The following NRXN3 variants were observed in gnomAD, a reference collection of about 807,000 sequenced individuals.
NRXN3 encodes neurexin 3, also known as neurexin III.
In NRXN3, 32 loss-of-function variants were observed where a neutral mutation model predicts 137.6. The observed-to-expected ratio is 0.23, with a 90% CI of 0.18 to 0.31. The LOEUF (loss-of-function observed/expected upper bound fraction) is 0.31. Ranked by LOEUF, NRXN3 falls within the 10% of genes least tolerant of loss-of-function variation. The pLI, the probability that NRXN3 is intolerant of heterozygous loss-of-function variation, is 1.00. For missense variants in NRXN3, 1,574 were observed against 2,062.5 expected (o/e 0.76, Z 4.59); for synonymous variants, 798 against 784.5 (o/e 1.02, Z -0.29).
rs529968173 is a variant in NRXN3 at position 78,242,806 on chromosome 14, C to T, written c.-288C>T. 37 of 434,572 alleles carry T rather than the reference C, an allele frequency of 8.5e-5. No individual in the cohort carries two copies. In the East Asian group the frequency reaches 1.3e-3, roughly 16 times the overall value. 26.9% of individuals were successfully genotyped at this position (434,572 alleles called of 1,614,324 possible). ...TTGGAGAAAGACGCTTTCCTCTTTA[C>T]TCCAGTCCCTCACTTCCCCACCTGA... On this transcript the variant is annotated 5_prime_UTR_variant, in exon 2 of 21. Transcript: ENST00000335750.
intron 20 of NRXN3, among the ~76,000 whole-genome samples, chr14:79,821,740 C>A (rs1171665622): frequency 7.1e-6 from 1 of 141,066 alleles, no homozygotes; most frequent in East Asian, 2.1e-4. Flanking sequence ...AAACTATAAG[C>A]TTGATGAATT....
At chr14:79,169,720 A>G (rs1011744798) in intron 15 of NRXN3, among the ~76,000 whole-genome samples, 2 of 152,170 alleles carry the variant, frequency 1.3e-5, no homozygotes, top group Non-Finnish European at 2.9e-5. Context: ...TCACAGGGGT[A>G]AAGATAGAAA....
At chr14:79,710,357 A>T (rs1408587823) in intron 19 of NRXN3, among the ~76,000 whole-genome samples, 4 of 152,212 alleles carry the variant, frequency 2.6e-5, no homozygotes, top group Admixed American at 6.5e-5. Flanking sequence ...CTTTAAAAAA[A>T]AATAATAAAA....
At chr14:79,794,397 A>C (rs2110434) in intron 19 of NRXN3, among the ~76,000 whole-genome samples, 88,240 of 151,156 alleles carry the variant, frequency 0.58, 26,028 homozygotes, top group Middle Eastern at 0.74. Flanking sequence ...CAAAAAAACA[A>C]AAAAAAAACA....
At chr14:79,505,929 G>A (rs570557278) in intron 16 of NRXN3, among the ~76,000 whole-genome samples, 27 of 152,292 alleles carry the variant, frequency 1.8e-4, no homozygotes, top group Admixed American at 6.5e-4. Flanking sequence ...TAATCCAGTC[G>A]TTGATCAAGA....
At chr14:79,108,270 C>G (rs761842591) in intron 15 of NRXN3, among the ~76,000 whole-genome samples, 4 of 152,120 alleles carry the variant, frequency 2.6e-5, no homozygotes, top group Non-Finnish European at 5.9e-5. Flanking sequence ...TGTGAATACT[C>G]ATGAAATTAT....
intron 4 of NRXN3, among the ~76,000 whole-genome samples, chr14:78,597,855 T>C (rs1307186941): frequency 6.6e-6 from 1 of 152,192 alleles, no homozygotes; most frequent in Non-Finnish European, 1.5e-5. Flanking sequence ...TTCAAGAAGA[T>C]GCACGTGATG....
chr14:78,734,238 CA>C (rs2098530834), intron 8 of NRXN3, among the ~76,000 whole-genome samples: 2 of 151,784 alleles, frequency 1.3e-5, no homozygotes, highest in South Asian at 2.1e-4. Flanking sequence ...CACACACACA[CA>C]CACACACACA....
rs1381876869 is a variant in NRXN3 at position 79,855,442 on chromosome 14, C to T, written c.4094-5900C>T. Among the ~76,000 whole-genome samples, 4 of 152,112 alleles carry T rather than the reference C, an allele frequency of 2.6e-5. No individual in the cohort carries two copies. In the East Asian group the frequency reaches 7.7e-4, roughly 29 times the overall value. On this transcript the variant is annotated intron_variant, in intron 20 of 20. Transcript: ENST00000335750. ...GTTTATGCGATTTTGTGTTGTTTGA[C>T]ATGCTGGATAATATTTTAGGTCTAA...
At chr14:78,645,513 G>A in intron 5 of NRXN3, 92 bp downstream of exon 5, 1 of 1,106,914 alleles carries the variant, frequency 9.0e-7, no homozygotes, top group Non-Finnish European at 1.2e-6. Flanking sequence ...GAGGTGGAGA[G>A]GGGTGGAGAT....
intron 16 of NRXN3, among the ~76,000 whole-genome samples, chr14:79,516,962 C>T (rs1010841949): frequency 4.6e-5 from 7 of 151,958 alleles, no homozygotes; most frequent in African/African-American, 7.3e-5. Flanking sequence ...TCATTTTTTA[C>T]GCATGTTTGA....
At chr14:78,348,702 A>G (rs214027) in intron 4 of NRXN3, among the ~76,000 whole-genome samples, 120,402 of 152,120 alleles carry the variant, frequency 0.79, 48,988 homozygotes, top group Non-Finnish European at 0.89. Context: ...GCAGAATCTC[A>G]GGCCAGCACC....
intron 4 of NRXN3, among the ~76,000 whole-genome samples, chr14:78,506,849 A>G (rs73322330): frequency 0.033 from 5,071 of 151,796 alleles, 239 homozygotes; most frequent in East Asian, 0.1. Context: ...CTGTAATTTT[A>G]ATGTTTATTT....
At chr14:78,627,393 C>A (rs1191831580) in intron 4 of NRXN3, among the ~76,000 whole-genome samples, 4 of 152,114 alleles carry the variant, frequency 2.6e-5, no homozygotes, top group Admixed American at 2.6e-4. Context: ...AAAAAAAGAG[C>A]TCAATGAGTA....
chr14:78,767,091 T>C (rs561378832), intron 8 of NRXN3, among the ~76,000 whole-genome samples: 1 of 152,272 alleles, frequency 6.6e-6, no homozygotes, highest in East Asian at 1.9e-4. Flanking sequence ...CATGAATTAG[T>C]TGGGTTCTTT....
rs2098962959 is a variant in NRXN3, at chr14:79,741,499, GTTT to G, written c.4014+43565_4014+43567del. Among the ~76,000 whole-genome samples the G allele has an allele frequency of 3.3e-5, 5 of 151,586 alleles. No individual in the cohort carries two copies. The South Asian group carries it at 1.0e-3, about 32-fold the overall frequency. Reference sequence around the variant, plus strand: ...CATGTATATATAATTTTTTGTTGTTGTTTTTGAGACAGTCTTGCTCTGTCACCC... The same window carrying G: ...CATGTATATATAATTTTTTGTTGTTGTTGAGACAGTCTTGCTCTGTCACCC... On this transcript the variant is annotated intron_variant, in intron 19 of 20. Transcript: ENST00000335750.
At chr14:78,452,932 T>A (rs2094585460) in intron 4 of NRXN3, among the ~76,000 whole-genome samples, 1 of 152,252 alleles carries the variant, frequency 6.6e-6, no homozygotes, top group Non-Finnish European at 1.5e-5. Flanking sequence ...TCATAAAATA[T>A]GTTAATTAAC....
chr14:78,865,455 G>A (rs117209679), intron 10 of NRXN3, among the ~76,000 whole-genome samples: 3,126 of 152,254 alleles, frequency 0.021, 51 homozygotes, highest in Middle Eastern at 0.031. Flanking sequence ...AACAAAATGT[G>A]ACAACTTGAG....
intron 1 of NRXN3, among the ~76,000 whole-genome samples, chr14:78,223,925 C>T (rs1290158897): frequency 6.6e-6 from 1 of 152,126 alleles, no homozygotes; most frequent in Admixed American, 6.5e-5. Context: ...GCTGCCCAGG[C>T]GTATTGAGAA....
Sources: allele counts gnomAD v4.1 joint callset (sites outside exome capture counted in the v4.1 genomes callset), GRCh38; gene constraint gnomAD v4.1.1; transcripts MANE v1.5; gene names NCBI Gene and HGNC (gene_info 2026-07-23, HGNC 2026-07-21).